The following AOPEP variants were observed in gnomAD, a reference collection of about 807,000 sequenced individuals.
The protein encoded by AOPEP is aminopeptidase O (putative).
In AOPEP, 77 loss-of-function variants were observed where a neutral mutation model predicts 98.1. That is an observed-to-expected ratio of 0.78 (90% confidence interval 0.65 to 0.95). The LOEUF (loss-of-function observed/expected upper bound fraction) is 0.95, where lower values mean the gene tolerates loss of function less well. AOPEP is among the 40% of genes least tolerant of loss of function. The pLI, the probability that AOPEP is intolerant of heterozygous loss-of-function variation, is 0.00. For missense variants in AOPEP, 1,024 were observed against 1,024.7 expected (o/e 1.00, Z 0.01); for synonymous variants, 346 against 365.3 (o/e 0.95, Z 0.60).
chr9:94,959,370 A>T (rs2058673514), intron 9 of AOPEP, among the ~76,000 whole-genome samples: 1 of 152,152 alleles, frequency 6.6e-6, no homozygotes, highest in African/African-American at 2.4e-5. Context: ...AGTCCAACTT[A>T]ATTTTTTTTT....
At chr9:95,057,220 T>A (rs1365029503) in intron 13 of AOPEP, among the ~76,000 whole-genome samples, 2 of 152,234 alleles carry the variant, frequency 1.3e-5, no homozygotes, top group Admixed American at 1.3e-4. Context: ...AAGCCTTATC[T>A]CTCTCCCGCC....
At chr9:95,126,900 A>C in the AOPEP span, 1 of 346,406 alleles carries the variant, frequency 2.9e-6, no homozygotes. Context: ...CTCTGCCCGC[A>C]TGCCGTGGAG....
intron 5 of AOPEP, among the ~76,000 whole-genome samples, chr9:94,888,294 CGTGTGTGTGTGT>C (rs59342995): frequency 8.6e-4 from 119 of 137,684 alleles, no homozygotes; most frequent in Middle Eastern, 3.7e-3. Context: ...AGAACCTTAC[CGTGTGTGTGTGT>C]GTGTGTGTGT....
At chr9:94,967,049 G>C (rs1174428843) in intron 9 of AOPEP, among the ~76,000 whole-genome samples, 1 of 152,110 alleles carries the variant, frequency 6.6e-6, no homozygotes, top group African/African-American at 2.4e-5. Context: ...GGGCGGGATG[G>C]GCTGTGCATT....
chr9:95,126,842 C>T, the AOPEP span: 1 of 458,148 alleles, frequency 2.2e-6, no homozygotes, highest in Non-Finnish European at 4.0e-6. Context: ...AAAGCTCAGG[C>T]GATCCATAAT....
the AOPEP span, among the ~76,000 whole-genome samples, chr9:95,140,757 T>C: frequency 6.6e-6 from 1 of 152,170 alleles, no homozygotes; most frequent in South Asian, 2.1e-4. Context: ...AAAAGAACAC[T>C]GTTTGATCCT....
chr9:94,792,002 C>T (rs1007556020), intron 3 of AOPEP, among the ~76,000 whole-genome samples: 2 of 152,206 alleles, frequency 1.3e-5, no homozygotes, highest in African/African-American at 4.8e-5. Context: ...AATTATCAGC[C>T]ATTCATTCCT....
At chr9:94,949,077 G>T (rs560771601) in intron 7 of AOPEP, among the ~76,000 whole-genome samples, 2 of 152,304 alleles carry the variant, frequency 1.3e-5, no homozygotes, top group African/African-American at 4.8e-5. Flanking sequence ...GTTTTTCTCT[G>T]TCTCTTTTGA....
At chr9:95,117,605 A>AAAATGAT in the AOPEP span, among the ~76,000 whole-genome samples, 1 of 151,822 alleles carries the variant, frequency 6.6e-6, no homozygotes, top group Non-Finnish European at 1.5e-5. Flanking sequence ...CTGGGACTTA[A>AAAATGAT]AAATTTATGC....
chr9:94,936,274 G>A (rs1281677913), intron 7 of AOPEP, among the ~76,000 whole-genome samples: 1 of 152,100 alleles, frequency 6.6e-6, no homozygotes, highest in Non-Finnish European at 1.5e-5. Flanking sequence ...TGGCATGCAA[G>A]TCCCTGCACA....
At chr9:94,882,275 A>G (rs1463231606) in intron 5 of AOPEP, among the ~76,000 whole-genome samples, 3 of 152,236 alleles carry the variant, frequency 2.0e-5, no homozygotes, top group South Asian at 2.1e-4. Flanking sequence ...TTCAGAGTAC[A>G]GTCCTCTTTC....
chr9:95,026,995 C>A (rs1006611751), intron 13 of AOPEP, among the ~76,000 whole-genome samples: 2 of 152,182 alleles, frequency 1.3e-5, no homozygotes, highest in African/African-American at 4.8e-5. Flanking sequence ...GGAGTGGTGG[C>A]TCACGCTTGT....
At chr9:94,903,765 G>T (rs578052056) in intron 5 of AOPEP, among the ~76,000 whole-genome samples, 2 of 151,724 alleles carry the variant, frequency 1.3e-5, no homozygotes, top group Non-Finnish European at 2.9e-5. Context: ...GCTGGGTGTG[G>T]TGGTGGGTAC....
At chr9:94,912,814 G>A (rs1035598485) in intron 5 of AOPEP, among the ~76,000 whole-genome samples, 6 of 152,226 alleles carry the variant, frequency 3.9e-5, no homozygotes, top group Admixed American at 1.3e-4. Flanking sequence ...TGAGGGGCAA[G>A]CATGAGGAAA....
intron 14 of AOPEP, among the ~76,000 whole-genome samples, chr9:95,068,154 C>A (rs6479597): frequency 0.89 from 136,140 of 152,228 alleles, 61,661 homozygotes; most frequent in Non-Finnish European, 0.97. Flanking sequence ...TATGTGTGTA[C>A]GGTTTTGTGT....
intron 9 of AOPEP, 146 bp downstream of exon 9, chr9:94,956,161 A>G: frequency 1.8e-6 from 1 of 569,426 alleles, no homozygotes; most frequent in African/African-American, 1.8e-5. Flanking sequence ...AAATGGACAC[A>G]AAGAAAGGGT....
chr9:95,093,175 A>G, the AOPEP span, among the ~76,000 whole-genome samples: 1 of 152,212 alleles, frequency 6.6e-6, no homozygotes, highest in African/African-American at 2.4e-5. Flanking sequence ...GACTGCAGAA[A>G]CTTGGTTTTA....
chr9:94,908,758 A>T (rs955157787), intron 5 of AOPEP, among the ~76,000 whole-genome samples: 1 of 152,168 alleles, frequency 6.6e-6, no homozygotes, highest in African/African-American at 2.4e-5. Flanking sequence ...AAATCTAATT[A>T]TGTCCATTTG....
At chr9:94,986,890 A>C (rs1216868752) in intron 11 of AOPEP, among the ~76,000 whole-genome samples, 2 of 152,230 alleles carry the variant, frequency 1.3e-5, no homozygotes, top group Non-Finnish European at 2.9e-5. Context: ...CTAAGACTAG[A>C]CTTCAAGTGA....
Sources: gnomAD v4.1 joint callset for allele counts (sites outside exome capture counted in the v4.1 genomes callset) on GRCh38, gnomAD v4.1.1 for gene constraint, MANE v1.5 for transcripts, NCBI Gene and HGNC (gene_info 2026-07-23, HGNC 2026-07-21) for gene names.